The following PCSK5 variants were observed in gnomAD, a reference collection of about 807,000 sequenced individuals.
PCSK5 encodes the protein proprotein convertase subtilisin/kexin type 5.
PCSK5 carries 129 observed loss-of-function variants against 233.2 expected under a neutral mutation model. The observed-to-expected ratio is 0.55, with a 90% CI of 0.48 to 0.64. PCSK5 has a LOEUF of 0.64. Among genes scored for constraint, PCSK5 ranks in the 30% least tolerant of loss-of-function variants. The probability of loss-of-function intolerance (pLI) is 0.00; values close to 1 mark genes in which losing one functional copy is unlikely to be tolerated. For synonymous variants in PCSK5, 825 were observed against 879.2 expected (o/e 0.94, Z 1.09); for missense variants, 2,076 against 2,430.1 (o/e 0.85, Z 3.06).
At chr9:75,991,354 C>T (rs533357065) in intron 3 of PCSK5, among the ~76,000 whole-genome samples, 99 of 152,190 alleles carry the variant, frequency 6.5e-4, no homozygotes, top group African/African-American at 2.3e-3. Flanking sequence ...GCTGGGGTCT[C>T]AAAACCCCTT....
chr9:76,301,844 G>GAAA (rs11451258), intron 27 of PCSK5, among the ~76,000 whole-genome samples: 2 of 149,578 alleles, frequency 1.3e-5, no homozygotes, highest in Non-Finnish European at 3.0e-5. Context: ...ACTCCTCGTG[G>GAAA]AAAAAAAAAA....
chr9:76,051,335 A>C (rs1295429620), intron 5 of PCSK5, among the ~76,000 whole-genome samples: 1 of 152,184 alleles, frequency 6.6e-6, no homozygotes, highest in East Asian at 1.9e-4. Context: ...TGAGCACCAC[A>C]CCACAGCCCT....
rs560864475 is a variant in PCSK5 at position 76,217,362 on chromosome 9, G to C, written c.2627-10141G>C. ...TTGCTCTCTGGTGTTGCTTATCTGA[G>C]GGACCCAGTTTTACTCACTGGAGTA... On this transcript the variant is annotated intron_variant, in intron 20 of 37. Coordinates refer to ENST00000674117, the MANE Select transcript of PCSK5 (RefSeq NM_001372043.1). Among the ~76,000 whole-genome samples, 6 of 152,330 alleles carry C rather than the reference G, an allele frequency of 3.9e-5. No individual in the cohort carries two copies. The South Asian group carries it at 1.2e-3, about 32-fold the overall frequency.
intron 24 of PCSK5, among the ~76,000 whole-genome samples, chr9:76,282,304 TTTTTTCTTTCTTTC>T (rs1394045206): frequency 6.7e-6 from 1 of 150,074 alleles, no homozygotes; most frequent in Admixed American, 6.7e-5. Flanking sequence ...TTATTTCCAA[TTTTTTCTTTCTTTC>T]TTTTTCTTTC....
intron 7 of PCSK5, among the ~76,000 whole-genome samples, chr9:76,074,032 TA>T (rs1180663616): frequency 6.6e-6 from 1 of 152,192 alleles, no homozygotes; most frequent in East Asian, 1.9e-4. Context: ...CATTATTAAT[TA>T]TGAAAGTAAA....
At chr9:76,298,455 T>G (rs1828508979) in intron 27 of PCSK5, among the ~76,000 whole-genome samples, 1 of 152,210 alleles carries the variant, frequency 6.6e-6, no homozygotes, top group Admixed American at 6.5e-5. Context: ...CCCATTCCCA[T>G]GACCTATGAA....
intron 11 of PCSK5, 115 bp from the exon 12 acceptor site, chr9:76,158,868 G>A (rs1024009103): frequency 7.6e-5 from 64 of 842,558 alleles, no homozygotes; most frequent in Middle Eastern, 4.6e-4. Context: ...CTGTTGTTTA[G>A]TATCCAGCTA....
intron 5 of PCSK5, among the ~76,000 whole-genome samples, chr9:76,036,346 T>C (rs901098681): frequency 2.6e-5 from 4 of 152,124 alleles, no homozygotes; most frequent in African/African-American, 9.7e-5. Context: ...TAAATAAAAG[T>C]GGAAAGGAAG....
In PCSK5 at chr9:76,197,957, C is replaced by T. The variant is rs75292496; in HGVS notation, c.2626+8211C>T. 2.5e-4 allele frequency among the ~76,000 whole-genome samples: 38 copies of T among 152,368 alleles called. 1 individual carries two copies. The East Asian group carries it at 7.3e-3, about 29-fold the overall frequency. ...CATAGCCAAGGTGGACTTAATTTCA[C>T]TGTAGCTCATTAGAACTACTTGGCA... is the stretch of plus-strand genomic sequence containing the variant. On this transcript the variant is annotated intron_variant, in intron 20 of 37. Coordinates refer to ENST00000674117, the MANE Select transcript of PCSK5 (RefSeq NM_001372043.1).
chr9:76,074,715 T>C (rs907480925), intron 7 of PCSK5, among the ~76,000 whole-genome samples: 3 of 152,242 alleles, frequency 2.0e-5, no homozygotes, highest in African/African-American at 7.2e-5. Flanking sequence ...AGAGATGTTA[T>C]AAATGCAAAA....
intron 2 of PCSK5, among the ~76,000 whole-genome samples, chr9:75,933,901 A>G (rs75784516): frequency 0.057 from 8,713 of 152,318 alleles, 292 homozygotes; most frequent in Middle Eastern, 0.11. Context: ...CGCTAATTTC[A>G]GACCTCATGT....
chr9:76,221,261 A>G (rs1332673567), intron 20 of PCSK5, among the ~76,000 whole-genome samples: 3 of 152,184 alleles, frequency 2.0e-5, no homozygotes, highest in African/African-American at 7.2e-5. Flanking sequence ...TTCACAGTAA[A>G]TTCCTTTTTG....
Position 75,963,459 on chromosome 9 carries a change from A to G in PCSK5, c.298-22673A>G, listed in dbSNP as rs946127140. 5.9e-5 allele frequency among the ~76,000 whole-genome samples: 9 copies of G among 152,248 alleles called. No homozygotes were observed. In the South Asian group the frequency reaches 1.4e-3, roughly 24 times the overall value. On this transcript the variant is annotated intron_variant, in intron 2 of 37. Coordinates refer to ENST00000674117, the MANE Select transcript of PCSK5 (RefSeq NM_001372043.1). ...ATTTTGTTGACAGTGTCTGCCACAT[A>G]CAGCCTCTTGACATTTAGTTTTCCT... is the stretch of plus-strand genomic sequence containing the variant.
chr9:75,915,153 G>T (rs533763686), intron 1 of PCSK5, among the ~76,000 whole-genome samples: 86 of 152,268 alleles, frequency 5.6e-4, no homozygotes, highest in African/African-American at 1.6e-3. Context: ...TTCCAAGTAG[G>T]AATCTGACCG....
intron 2 of PCSK5, among the ~76,000 whole-genome samples, chr9:75,947,549 A>G (rs1005369370): frequency 6.6e-6 from 1 of 152,182 alleles, no homozygotes; most frequent in Admixed American, 6.5e-5. Flanking sequence ...GTAAATAGGT[A>G]AGAAACAGGA....
intron 1 of PCSK5, among the ~76,000 whole-genome samples, chr9:75,907,303 A>C (rs989518273): frequency 2.0e-5 from 3 of 152,198 alleles, no homozygotes; most frequent in African/African-American, 7.2e-5. Context: ...AGTATTTTGC[A>C]GACATGGAAC....
At chr9:76,175,931 A>G (rs567667180) in intron 14 of PCSK5, among the ~76,000 whole-genome samples, 16 of 152,094 alleles carry the variant, frequency 1.1e-4, no homozygotes, top group Middle Eastern at 3.4e-3. Context: ...AACACTCTGT[A>G]TGTTATTGTC....
chr9:76,269,606 C>A (rs1182772094), intron 24 of PCSK5, among the ~76,000 whole-genome samples: 1 of 152,176 alleles, frequency 6.6e-6, no homozygotes, highest in African/African-American at 2.4e-5. Context: ...GTATAATTTG[C>A]TACACAACTC....
chr9:76,004,279 G>A (rs1017489642), intron 3 of PCSK5, among the ~76,000 whole-genome samples: 1 of 151,926 alleles, frequency 6.6e-6, no homozygotes, highest in Non-Finnish European at 1.5e-5. Flanking sequence ...GAGTAGATGA[G>A]GAGTTAAATA....
Sources: gnomAD v4.1 joint callset for allele counts (sites outside exome capture counted in the v4.1 genomes callset) on GRCh38, gnomAD v4.1.1 for gene constraint, MANE v1.5 for transcripts, NCBI Gene and HGNC (gene_info 2026-07-23, HGNC 2026-07-21) for gene names.